The following ABR variants were observed in gnomAD, a reference collection of about 807,000 sequenced individuals.
ABR encodes the protein ABR activator of RhoGEF and GTPase.
In ABR, 35 loss-of-function variants were observed where a neutral mutation model predicts 107.2. The ratio of observed to expected loss-of-function variants is 0.33; its 90% CI spans 0.25 to 0.43. The LOEUF (loss-of-function observed/expected upper bound fraction) is 0.43. Among genes scored for constraint, ABR ranks in the 20% least tolerant of loss-of-function variants. The probability of loss-of-function intolerance (pLI) is 1.00; values close to 1 mark genes in which losing one functional copy is unlikely to be tolerated. For synonymous variants in ABR, 498 were observed against 462.0 expected, an observed-to-expected ratio of 1.08 and a Z score of -1.00; for missense variants, 815 against 1,115.2, an observed-to-expected ratio of 0.73 and a Z score of 3.83.
chr17:1,103,082 G>T (rs1366151172), intron 2 of ABR, among the ~76,000 whole-genome samples: 2 of 152,164 alleles, frequency 1.3e-5, no homozygotes, highest in African/African-American at 2.4e-5. Context: ...GTGGCGATTT[G>T]TTTCAGCAGC....
chr17:1,151,909 C>G (rs980276258), intron 1 of ABR, among the ~76,000 whole-genome samples: 1 of 151,734 alleles, frequency 6.6e-6, no homozygotes, highest in Non-Finnish European at 1.5e-5. Flanking sequence ...AGTCCCAGCA[C>G]TTTGAGAGGC....
chr17:1,079,211 G>GCTCACA, intron 6 of ABR, 119 bp downstream of exon 6: 3 of 1,490,134 alleles, frequency 2.0e-6, no homozygotes, highest in Non-Finnish European at 2.7e-6. Flanking sequence ...ACACGCTCAC[G>GCTCACA]CTCACACGCG....
intron 16 of ABR, among the ~76,000 whole-genome samples, chr17:1,028,822 T>C (rs1000435808): frequency 7.9e-5 from 12 of 152,060 alleles, no homozygotes; most frequent in Admixed American, 7.2e-4. Flanking sequence ...AGGAGCGTCT[T>C]GGACTTGGTT....
chr17:1,037,013 ATCCTTCCT>A lies in ABR; in HGVS notation c.1791+13029_1791+13036del, dbSNP rs368172568. Reference sequence around the variant, plus strand: ...CTTCCTTCCATCCTTCCTTCCTTCCATCCTTCCTTCCTTCCATCCATCCACCCATCCAT... The same window carrying A: ...CTTCCTTCCATCCTTCCTTCCTTCCATCCTTCCATCCATCCACCCATCCAT... On this transcript the variant is annotated intron_variant, in intron 16 of 22. Transcript: ENST00000302538. The surrounding 1 kb of genome is among the most constrained non-coding windows in gnomAD (Gnocchi z 4.6). 0.018 allele frequency among the ~76,000 whole-genome samples: 2,746 copies of A among 150,892 alleles called. 89 individuals carry two copies. Among genetic ancestry groups the A allele is most frequent in the African/African-American group, 0.063 (2,579 of 40,884 alleles).
chr17:1,119,489 T>C (rs2039241675), intron 2 of ABR, among the ~76,000 whole-genome samples: 1 of 79,042 alleles, frequency 1.3e-5, no homozygotes, highest in Non-Finnish European at 3.0e-5. Context: ...TGAGCCTGAG[T>C]TCCTCCCAGC....
chr17:1,094,021 G>A (rs542119274), intron 3 of ABR, among the ~76,000 whole-genome samples: 192 of 152,060 alleles, frequency 1.3e-3, no homozygotes, highest in African/African-American at 4.2e-3. Flanking sequence ...GACCCTCGCT[G>A]TGCTAGAATC....
At chr17:1,147,054 T>C (rs1271724118) in intron 1 of ABR, among the ~76,000 whole-genome samples, 1 of 152,274 alleles carries the variant, frequency 6.6e-6, no homozygotes, top group Non-Finnish European at 1.5e-5. Context: ...AAGGCCGTAC[T>C]GTCTGGCCAC....
chr17:1,043,065 TG>T (rs2030920294), intron 16 of ABR, among the ~76,000 whole-genome samples: 1 of 152,126 alleles, frequency 6.6e-6, no homozygotes, highest in South Asian at 2.1e-4. Context: ...TATGATTTAA[TG>T]GGGATGGGGT....
chr17:1,158,491 G>A (rs965517878), intron 1 of ABR, among the ~76,000 whole-genome samples: 2 of 151,840 alleles, frequency 1.3e-5, no homozygotes, highest in African/African-American at 2.4e-5. Flanking sequence ...GGCTGGGTGC[G>A]GTGGCTCACA....
At chr17:1,031,928 C>T (rs2150920900) in intron 16 of ABR, 2 of 1,021,698 alleles carry the variant, frequency 2.0e-6, no homozygotes, top group Admixed American at 4.4e-5. Flanking sequence ...CCCTCCTCCG[C>T]ATCCCTCCTT....
rs186873626 is a variant in ABR at position 1,179,153 on chromosome 17, A to C, written c.61+514T>G. ...CACCCCCCGTCTCCCCTCCCACCCG[A>C]TCCCACCCCAGCACCGAACCCCTGG... On this transcript the variant is annotated intron_variant, in intron 1 of 22. Coordinates refer to ENST00000302538, the MANE Select transcript of ABR (RefSeq NM_021962.5). This position sits in a 1 kb window ranked among gnomAD's most constrained non-coding sequence, Gnocchi z 4.9. 1.0e-3 allele frequency among the ~76,000 whole-genome samples: 155 copies of C among 150,730 alleles called. No homozygotes were observed. The highest frequency in any genetic ancestry group is 3.5e-3 in the African/African-American group (144 of 41,052).
intron 4 of ABR, among the ~76,000 whole-genome samples, chr17:1,086,901 G>A (rs2151275324): frequency 6.6e-6 from 1 of 151,840 alleles, no homozygotes; most frequent in East Asian, 1.9e-4. Flanking sequence ...TTGAGCCCGA[G>A]TTCAAGTCCA....
At chr17:1,103,160 A>G (rs1186476739) in intron 2 of ABR, among the ~76,000 whole-genome samples, 1 of 152,148 alleles carries the variant, frequency 6.6e-6, no homozygotes. Flanking sequence ...GGCTTCACAA[A>G]TTCCAGGAAC....
intron 1 of ABR, among the ~76,000 whole-genome samples, chr17:1,140,731 C>T (rs62069398): frequency 0.054 from 8,163 of 152,006 alleles, 284 homozygotes; most frequent in African/African-American, 0.096. Context: ...CACAGGCACC[C>T]GCCACCATGC....
In ABR at chr17:1,031,627, G is replaced by C. The variant is rs755663774; in HGVS notation, c.1791+18423C>G. 13 of 1,243,974 alleles carry C rather than the reference G, an allele frequency of 1.0e-5. No individual in the cohort carries two copies. The East Asian group carries it at 3.2e-4, about 31-fold the overall frequency. 77.1% of individuals were successfully genotyped at this position (1,243,974 alleles called of 1,614,324 possible). On this transcript the variant is annotated intron_variant, in intron 16 of 22. Transcript: ENST00000302538. ...TTTCGGAGCAGCTTGTTGCGCACGC[G>C]GCCCCAGAGCCGGGCGCCGGTGTTG...
chr17:1,163,306 T>C (rs1170626320), intron 1 of ABR, among the ~76,000 whole-genome samples: 1 of 152,228 alleles, frequency 6.6e-6, no homozygotes. Flanking sequence ...GTCGACTCTG[T>C]ATCGACCCTG....
chr17:1,175,336 G>A (rs539502088), intron 1 of ABR, among the ~76,000 whole-genome samples: 4 of 151,986 alleles, frequency 2.6e-5, no homozygotes, highest in Non-Finnish European at 2.9e-5. Context: ...CGCTTGAACC[G>A]GGGAGGCGGA....
upstream of ABR, among the ~76,000 whole-genome samples, chr17:1,188,592 T>C (rs2042366492): frequency 6.6e-6 from 1 of 151,384 alleles, no homozygotes; most frequent in Admixed American, 6.6e-5. Context: ...GGGTCGCTAC[T>C]AGCCTTCAGT....
intron 1 of ABR, among the ~76,000 whole-genome samples, chr17:1,162,154 G>A (rs544631339): frequency 6.6e-5 from 10 of 152,318 alleles, no homozygotes; most frequent in South Asian, 4.1e-4. Flanking sequence ...GACTCAGTTC[G>A]TGGTGAGGAC....
Sources: allele counts gnomAD v4.1 joint callset (sites outside exome capture counted in the v4.1 genomes callset), GRCh38; gene constraint gnomAD v4.1.1; non-coding constraint Gnocchi (gnomAD v3.1); transcripts MANE v1.5; gene names NCBI Gene and HGNC (gene_info 2026-07-23, HGNC 2026-07-21).